The following MTARC2 variants were observed in gnomAD, a reference collection of about 807,000 sequenced individuals.
The protein encoded by MTARC2 is MOCO sulphurase C-terminal domain containing 2.
Under a neutral mutation model 35.6 loss-of-function variants are expected in MTARC2, and 27 were observed. The observed-to-expected ratio is 0.76, with a 90% CI of 0.56 to 1.04. The LOEUF (loss-of-function observed/expected upper bound fraction) is 1.04. MTARC2 is among the 50% of genes least tolerant of loss of function. MTARC2 has a pLI of 0.00. For synonymous variants in MTARC2, 158 were observed against 167.1 expected (o/e 0.95, Z 0.42); for missense variants, 412 against 432.5 (o/e 0.95, Z 0.42).
At chr1:220,752,404 A>C (rs1671146955) in intron 1 of MTARC2, among the ~76,000 whole-genome samples, 1 of 152,160 alleles carries the variant, frequency 6.6e-6, no homozygotes, top group Non-Finnish European at 1.5e-5. Context: ...ACAAGGCTGG[A>C]AATAGGGAAT....
rs1572309490 is a variant in MTARC2 at position 220,770,080 on chromosome 1, C to T, written c.750+7030C>T. 2.6e-5 allele frequency among the ~76,000 whole-genome samples: 4 copies of T among 152,176 alleles called. No homozygotes were observed. In the East Asian group the frequency reaches 7.7e-4, roughly 29 times the overall value. ...CGAGATCGCGCCACTACACTCCAGC[C>T]TGGGCGACAGAGCAAGACTCTGTCT... On this transcript the variant is annotated intron_variant, in intron 4 of 7. Coordinates refer to ENST00000366913, the MANE Select transcript of MTARC2 (RefSeq NM_017898.5).
Position 220,770,642 on chromosome 1 carries a change from A to T in MTARC2, c.750+7592A>T, listed in dbSNP as rs1391074462. 1.3e-5 allele frequency: 11 copies of T among 871,164 alleles called. No homozygotes were observed. In the South Asian group the frequency reaches 4.2e-4, roughly 33 times the overall value. The allele number at this position is 871,164 out of a possible 1,614,324, so 54.0% of individuals were successfully genotyped here. ...GAGGGCTGTGAGTCACTGCATGGAC[A>T]AAGTGTGCTGAAAAGCAGTCCAGCA... On this transcript the variant is annotated intron_variant, in intron 4 of 7. Transcript: ENST00000366913.
chr1:220,765,065 T>G (rs1671544672), intron 4 of MTARC2, among the ~76,000 whole-genome samples: 1 of 152,150 alleles, frequency 6.6e-6, no homozygotes, highest in African/African-American at 2.4e-5. Context: ...ACCAGAGATG[T>G]GTAGAAGTAG....
At chr1:220,769,051 T>C (rs1671660246) in intron 4 of MTARC2, among the ~76,000 whole-genome samples, 1 of 152,224 alleles carries the variant, frequency 6.6e-6, no homozygotes, top group Admixed American at 6.5e-5. Flanking sequence ...TACATTCACA[T>C]TTCTGAAGAA....
intron 4 of MTARC2, among the ~76,000 whole-genome samples, chr1:220,778,100 G>A (rs1429880958): frequency 1.3e-5 from 2 of 152,016 alleles, no homozygotes; most frequent in Admixed American, 6.6e-5. Context: ...AAAATTAACC[G>A]GGCATGGTGG....
In MTARC2 at chr1:220,783,930, C is replaced by T. The variant is rs148684069; in HGVS notation, c.*43C>T. The T allele has an allele frequency of 1.6e-4, 113 of 717,364 alleles. No homozygotes were observed. In the African/African-American group the frequency reaches 1.7e-3, roughly 11 times the overall value. The allele number at this position is 717,364 out of a possible 1,614,324, so 44.4% of individuals were successfully genotyped here. ...TATTATTTATTCAGGCTTCAGCAACCAGGAGGGATTGACTGAGATCTTAAC... is the reference window on the plus strand; with the variant it reads ...TATTATTTATTCAGGCTTCAGCAACTAGGAGGGATTGACTGAGATCTTAAC... On this transcript the variant is annotated 3_prime_UTR_variant, in exon 8 of 8. Coordinates refer to ENST00000366913, the MANE Select transcript of MTARC2 (RefSeq NM_017898.5).
chr1:220,775,478 G>A (rs556653480), intron 4 of MTARC2, among the ~76,000 whole-genome samples: 11 of 152,274 alleles, frequency 7.2e-5, no homozygotes, highest in African/African-American at 2.6e-4. Context: ...TTTGTGTTTA[G>A]GGAAGACCCC....
rs1374804177 is a variant in MTARC2, at chr1:220,781,953, C to T, written c.*31+21C>T. 2.5e-6 allele frequency: 4 copies of T among 1,579,508 alleles called. No individual in the cohort carries two copies. In the South Asian group the frequency reaches 4.7e-5, roughly 19 times the overall value. On this transcript the variant is annotated intron_variant, in intron 7 of 7. Coordinates refer to ENST00000366913, the MANE Select transcript of MTARC2 (RefSeq NM_017898.5). ...ATATGGTAAAGGGTCAGCTTTGCTT[C>T]TGAATACGCTGTCTTGAAGCCATTG...
chr1:220,769,942 A>AAAAAAAAT (rs1671694734), intron 4 of MTARC2, among the ~76,000 whole-genome samples: 1 of 147,508 alleles, frequency 6.8e-6, no homozygotes, highest in African/African-American at 2.5e-5. Context: ...TACAAAAAAA[A>AAAAAAAAT]AAAAAAAAAA....
Position 220,748,392 on chromosome 1 carries a change from C to A in MTARC2, c.-140C>A, listed in dbSNP as rs754541964. 1.6e-3 allele frequency: 1,393 copies of A among 848,894 alleles called. 1 individual carries two copies. Among genetic ancestry groups the A allele is most frequent in the Non-Finnish European group, 2.0e-3 (1,268 of 629,182 alleles). The allele number at this position is 848,894 out of a possible 1,614,324, so 52.6% of individuals were successfully genotyped here. The stretch of plus-strand genomic sequence containing the variant: ...CCGCGGAACTGCTCTGCCGTCTCGG[C>A]GGTGAAAGTGTGAGAGGGTCCGTAG... On this transcript the variant is annotated 5_prime_UTR_variant, in exon 1 of 8. Coordinates refer to ENST00000366913, the MANE Select transcript of MTARC2 (RefSeq NM_017898.5).
chr1:220,782,158 T>A (rs1191114027), intron 7 of MTARC2, among the ~76,000 whole-genome samples: 3 of 152,190 alleles, frequency 2.0e-5, no homozygotes, highest in Admixed American at 6.5e-5. Flanking sequence ...GGTAAAATGC[T>A]GATGGAAGAG....
chr1:220,762,808 C>A, intron 3 of MTARC2, 102 bp from the exon 4 acceptor site: 1 of 1,265,464 alleles, frequency 7.9e-7, no homozygotes, highest in Non-Finnish European at 1.1e-6. Context: ...CTCCCCTCTT[C>A]TGCACTGAAG....
intron 1 of MTARC2, among the ~76,000 whole-genome samples, chr1:220,753,981 T>C (rs1224658967): frequency 1.3e-5 from 2 of 151,986 alleles, no homozygotes; most frequent in Admixed American, 1.3e-4. Context: ...ACCAAGGAGG[T>C]GGAGGTTGCA....
rs899071876 is a variant in MTARC2, at chr1:220,748,369, G to A, written c.-163G>A. ...CCGCATTAAGGCATTCCCGCTCTCC[G>A]CGGAACTGCTCTGCCGTCTCGGCGG... On this transcript the variant is annotated 5_prime_UTR_variant, in exon 1 of 8. Coordinates refer to ENST00000366913, the MANE Select transcript of MTARC2 (RefSeq NM_017898.5). 10 of 692,966 alleles carry A rather than the reference G, an allele frequency of 1.4e-5. No individual in the cohort carries two copies. The highest frequency in any genetic ancestry group is 2.0e-5 in the Non-Finnish European group (10 of 488,274). 42.9% of individuals were successfully genotyped at this position (692,966 alleles called of 1,614,324 possible). A position where few individuals can be genotyped will look rare whatever the true frequency, so the allele number is the denominator to read the frequency against.
At chr1:220,761,141 G>A (rs746791024) in intron 2 of MTARC2, among the ~76,000 whole-genome samples, 17 of 152,228 alleles carry the variant, frequency 1.1e-4, no homozygotes, top group Non-Finnish European at 2.1e-4. Flanking sequence ...TTCCCACCAA[G>A]TGACGTAGGT....
At chr1:220,748,966 C>A (rs1253748825) in intron 1 of MTARC2, among the ~76,000 whole-genome samples, 163 bp downstream of exon 1, 3 of 152,314 alleles carry the variant, frequency 2.0e-5, no homozygotes, top group Admixed American at 1.3e-4. Flanking sequence ...AGGCCAAGTT[C>A]ATGCCAGGTT....
At position 220,776,627 on chromosome 1, in the gene MTARC2, A is replaced by G. The variant is rs374236324; in HGVS notation, c.751-3391A>G. ...GAGCCGGCATTTGGGGGTGTTGCGG[A>G]CGATTCTTACGAATCCAGACAATTT... On this transcript the variant is annotated intron_variant, in intron 4 of 7. Coordinates refer to ENST00000366913, the MANE Select transcript of MTARC2 (RefSeq NM_017898.5). 7.9e-5 allele frequency among the ~76,000 whole-genome samples: 12 copies of G among 152,256 alleles called. 1 individual carries two copies. The highest frequency in any genetic ancestry group is 2.9e-4 in the African/African-American group (12 of 41,546).
rs1671703496 is a variant in MTARC2 at position 220,770,115 on chromosome 1, AAAAACAAAAC to A, written c.750+7066_750+7075del. 5.9e-5 allele frequency among the ~76,000 whole-genome samples: 9 copies of A among 152,022 alleles called. 1 individual carries two copies. The highest frequency in any genetic ancestry group is 2.2e-4 in the African/African-American group (9 of 41,378). On this transcript the variant is annotated intron_variant, in intron 4 of 7. Transcript: ENST00000366913. ...GAGCAAGACTCTGTCTCAAAAAAAC[AAAAACAAAAC>A]CAAAAACAAAACAAACAAAAACTCA...
At chr1:220,780,382 G>A (rs573552144) in intron 6 of MTARC2, 143 bp downstream of exon 6, 13 of 642,854 alleles carry the variant, frequency 2.0e-5, no homozygotes, top group South Asian at 9.4e-5. Context: ...ACTGATTCGC[G>A]TCTATTGGTT....
Sources: allele counts gnomAD v4.1 joint callset (sites outside exome capture counted in the v4.1 genomes callset), GRCh38; gene constraint gnomAD v4.1.1; transcripts MANE v1.5; gene names NCBI Gene and HGNC (gene_info 2026-07-23, HGNC 2026-07-21).